Variants in EYS observed in about 807,000 individuals in gnomAD.
EYS encodes the protein protein eyes shut homolog.
In EYS, 250 loss-of-function variants were observed where a neutral mutation model predicts 282.1. The observed-to-expected ratio is 0.89, with a 90% CI of 0.80 to 0.98. EYS has a LOEUF of 0.98. EYS is among the 50% of genes least tolerant of loss of function. The pLI, the probability that EYS is intolerant of heterozygous loss-of-function variation, is 0.00. For missense variants in EYS, 4,016 were observed against 3,709.0 expected, an observed-to-expected ratio of 1.08 and a Z score of -2.15; for synonymous variants, 1,355 against 1,282.9, an observed-to-expected ratio of 1.06 and a Z score of -1.20.
At chr6:64,515,726 C>T (rs1777540505) in intron 26 of EYS, among the ~76,000 whole-genome samples, 1 of 151,296 alleles carries the variant, frequency 6.6e-6, no homozygotes, top group African/African-American at 2.4e-5. Flanking sequence ...TAAATTTCCA[C>T]TTAATATAAT....
intron 30 of EYS, among the ~76,000 whole-genome samples, chr6:64,283,117 A>G (rs1017863027): frequency 6.6e-6 from 1 of 152,180 alleles, no homozygotes; most frequent in African/African-American, 2.4e-5. Context: ...ACAGGAATAT[A>G]CAATCTTCAT....
chr6:64,013,867 G>A (rs1201224259), intron 33 of EYS, among the ~76,000 whole-genome samples: 1 of 152,012 alleles, frequency 6.6e-6, no homozygotes, highest in Non-Finnish European at 1.5e-5. Context: ...CACAGTTCTA[G>A]ATTGGGCTAA....
intron 14 of EYS, among the ~76,000 whole-genome samples, chr6:64,981,568 T>A (rs1770666094): frequency 6.6e-6 from 1 of 151,386 alleles, no homozygotes; most frequent in South Asian, 2.1e-4. Flanking sequence ...TTTATCATAT[T>A]GGTCAGGTAA....
chr6:65,296,023 C>T lies in EYS; in HGVS notation c.1863G>A (p.Leu621=). The T allele has an allele frequency of 6.4e-7, 1 of 1,551,130 alleles. No individual in the cohort carries two copies. Among genetic ancestry groups the T allele is most frequent in the South Asian group, 1.2e-5 (1 of 84,050 alleles). ...TACAGTTACAATTGTGCGAAAGGGC[C>T]AGGCAGAGGCCATGCACTGATATAC... ...NHSISVHGLC[L]ALSHNCNCSG... The change falls in exon 12 of 43, where the codon CTG becomes CTA. Residue 621 remains leucine, a synonymous_variant. Transcript: ENST00000503581.
intron 7 of EYS, among the ~76,000 whole-genome samples, chr6:65,392,539 G>A (rs1445962165): frequency 6.6e-6 from 1 of 152,180 alleles, no homozygotes; most frequent in Admixed American, 6.5e-5. Flanking sequence ...CTCAAAAGAA[G>A]ACATTTGTGC....
chr6:63,742,592 T>G (rs1769103939), intron 41 of EYS, among the ~76,000 whole-genome samples: 2 of 152,176 alleles, frequency 1.3e-5, no homozygotes, highest in African/African-American at 4.8e-5. Flanking sequence ...CCTCTTCCTA[T>G]GCCAATAATG....
chr6:65,299,794 T>C (rs1212990466), intron 11 of EYS, among the ~76,000 whole-genome samples: 1 of 152,104 alleles, frequency 6.6e-6, no homozygotes, highest in Non-Finnish European at 1.5e-5. Flanking sequence ...TATTACTTAA[T>C]AAAAAAGCAC....
chr6:63,776,615 T>A (rs1770071395), intron 40 of EYS, among the ~76,000 whole-genome samples: 1 of 152,240 alleles, frequency 6.6e-6, no homozygotes, highest in African/African-American at 2.4e-5. Flanking sequence ...ATATCGGAAC[T>A]CAATAAAATT....
At chr6:65,246,936 A>T (rs1205619165) in intron 12 of EYS, among the ~76,000 whole-genome samples, 1 of 152,162 alleles carries the variant, frequency 6.6e-6, no homozygotes, top group Non-Finnish European at 1.5e-5. Context: ...AGCCTAGAAT[A>T]AACTCAGAAA....
chr6:65,550,341 T>TATTA (rs1768571855), intron 2 of EYS, among the ~76,000 whole-genome samples: 1 of 35,228 alleles, frequency 2.8e-5, no homozygotes, highest in African/African-American at 2.8e-4. Flanking sequence ...TTTTATTTAT[T>TATTA]TTTTTTTTTA....
rs1765955091 is a variant in EYS, at chr6:64,217,140, AG to A, written c.6424+13451del. 2.0e-5 allele frequency among the ~76,000 whole-genome samples: 3 copies of A among 152,326 alleles called. No homozygotes were observed. The South Asian group carries it at 6.2e-4, about 32-fold the overall frequency. ...TTATGATTAAAAAGTAAGAGACTAA[AG>A]ATCTTCAGAATTCAGCTATGTCTTC... On this transcript the variant is annotated intron_variant, in intron 31 of 42. Coordinates refer to ENST00000503581, the MANE Select transcript of EYS (RefSeq NM_001142800.2).
chr6:65,405,298 T>C lies in EYS; in HGVS notation c.932A>G (p.Asn311Ser). The change falls in exon 6 of 43, where the codon AAT becomes AGT. Residue 311 changes from asparagine (N) to serine (S), a missense_variant. By Grantham distance (46) the Asn-to-Ser change is conservative. Transcript: ENST00000503581. The part of the protein sequence containing the change: ...LLFWKRGICP[N>S]SSSAYTYECP... ...TTCATAAGTATAAGCAGAACTGCTATTTGGGCAAATTCCTCTTTTCCAAAA... is the reference window on the plus strand; with the variant it reads ...TTCATAAGTATAAGCAGAACTGCTACTTGGGCAAATTCCTCTTTTCCAAAA... 1.2e-6 allele frequency: 2 copies of C among 1,613,242 alleles called. No individual in the cohort carries two copies. Among genetic ancestry groups the C allele is most frequent in the Non-Finnish European group, 8.5e-7 (1 of 1,179,534 alleles).
intron 33 of EYS, among the ~76,000 whole-genome samples, chr6:64,032,798 A>C (rs1265517158): frequency 1.3e-5 from 2 of 152,244 alleles, no homozygotes; most frequent in Non-Finnish European, 2.9e-5. Flanking sequence ...GCATGAGGCT[A>C]TACAGAACTT....
rs112003531 is a variant in EYS at position 63,881,901 on chromosome 6, T to C, written c.7056-17543A>G. 6.8e-3 allele frequency among the ~76,000 whole-genome samples: 1,035 copies of C among 152,296 alleles called. 11 individuals carry two copies. Among genetic ancestry groups the C allele is most frequent in the Non-Finnish European group, 7.2e-3 (487 of 68,008 alleles). On this transcript the variant is annotated intron_variant, in intron 35 of 42. Coordinates refer to ENST00000503581, the MANE Select transcript of EYS (RefSeq NM_001142800.2). ...AATTGTTTGCTAGTTTAATCACATA[T>C]AGGAAGCTATTGTTATCCTTGAGAC... is the stretch of plus-strand genomic sequence containing the variant.
intron 33 of EYS, among the ~76,000 whole-genome samples, chr6:64,008,501 G>A (rs574104085): frequency 2.8e-4 from 42 of 152,220 alleles, no homozygotes; most frequent in African/African-American, 1.0e-3. Flanking sequence ...ATTTGATCCT[G>A]TCATCATGTT....
At chr6:64,555,132 C>T (rs1765196357) in intron 26 of EYS, among the ~76,000 whole-genome samples, 2 of 151,640 alleles carry the variant, frequency 1.3e-5, no homozygotes, top group South Asian at 4.2e-4. Context: ...TGTCCATTAA[C>T]AGATGAATGG....
At chr6:64,142,528 G>A (rs912186943) in intron 31 of EYS, among the ~76,000 whole-genome samples, 1 of 152,096 alleles carries the variant, frequency 6.6e-6, no homozygotes, top group African/African-American at 2.4e-5. Flanking sequence ...GGGAAAACGA[G>A]AAGTATTTAA....
intron 29 of EYS, among the ~76,000 whole-genome samples, chr6:64,328,785 G>A (rs1013430580): frequency 1.3e-5 from 2 of 152,126 alleles, no homozygotes; most frequent in Non-Finnish European, 2.9e-5. Flanking sequence ...AAAAGAAACT[G>A]GTTTTGTGAG....
intron 5 of EYS, among the ~76,000 whole-genome samples, chr6:65,467,348 C>T (rs1765039307): frequency 6.6e-6 from 1 of 151,942 alleles, no homozygotes; most frequent in Admixed American, 6.6e-5. Context: ...AGGTAAAATA[C>T]TGAATGAATA....
Sources: allele counts gnomAD v4.1 joint callset (sites outside exome capture counted in the v4.1 genomes callset), GRCh38; gene constraint gnomAD v4.1.1; transcripts MANE v1.5; gene names NCBI Gene and HGNC (gene_info 2026-07-23, HGNC 2026-07-21).